ASXL2: variants seen among roughly 807,000 people sequenced by gnomAD.
ASXL2 encodes the protein ASXL transcriptional regulator 2.
In ASXL2, 23 loss-of-function variants were observed where a neutral mutation model predicts 122.0. The observed-to-expected ratio is 0.19, with a 90% CI of 0.14 to 0.27. The LOEUF (loss-of-function observed/expected upper bound fraction) is 0.27. Among genes scored for constraint, ASXL2 ranks in the 10% least tolerant of loss-of-function variants. The pLI is 1.00. For synonymous variants in ASXL2, 650 were observed against 637.0 expected (o/e 1.02, Z -0.31); for missense variants, 1,518 against 1,713.8 (o/e 0.89, Z 2.02).
At chr2:25,786,397 C>T (rs560448080) in intron 5 of ASXL2, among the ~76,000 whole-genome samples, 3 of 152,046 alleles carry the variant, frequency 2.0e-5, no homozygotes, top group South Asian at 2.1e-4. Context: ...CATGCCACCA[C>T]GCCCGGCTAA....
At chr2:25,753,686 C>A in intron 10 of ASXL2, 47 bp from the exon 11 acceptor site, 1 of 1,333,708 alleles carries the variant, frequency 7.5e-7, no homozygotes, top group Non-Finnish European at 1.1e-6. Flanking sequence ...ATGCTATTTG[C>A]AACATGTAAC....
chr2:25,838,808 T>A (rs2089544105), intron 2 of ASXL2, among the ~76,000 whole-genome samples: 1 of 152,210 alleles, frequency 6.6e-6, no homozygotes, highest in Non-Finnish European at 1.5e-5. Context: ...AAAATAAAAT[T>A]CTGAATCGTT....
chr2:25,743,762 C>T lies in ASXL2; in HGVS notation c.2575G>A (p.Ala859Thr), dbSNP rs1016606740. The change falls in exon 13 of 13, where the codon GCA becomes ACA. Residue 859 changes from alanine to threonine, a missense_variant. Ala to Thr is a moderately conservative substitution (Grantham distance 58). Coordinates refer to ENST00000435504, the MANE Select transcript of ASXL2 (RefSeq NM_018263.6). ...CAADGTVELK[A>T]GPSKNIPNPS... is the part of the protein sequence containing the mutation. ...TTAGGTATATTCTTACTAGGACCTG[C>T]TTTGAGCTCAACTGTGCCATCAGCT... The T allele has an allele frequency of 1.1e-5, 18 of 1,613,894 alleles. No individual in the cohort carries two copies. The highest frequency in any genetic ancestry group is 1.4e-5 in the Non-Finnish European group (16 of 1,179,904).
At chr2:25,844,469 C>G (rs940992641) in intron 2 of ASXL2, among the ~76,000 whole-genome samples, 2 of 151,674 alleles carry the variant, frequency 1.3e-5, no homozygotes, top group African/African-American at 4.8e-5. Context: ...CCCAGCTACT[C>G]AGGAGGCTGA....
intron 5 of ASXL2, among the ~76,000 whole-genome samples, chr2:25,789,983 G>A (rs574454443): frequency 1.3e-5 from 2 of 152,242 alleles, no homozygotes; most frequent in South Asian, 4.1e-4. Context: ...ATTTACTAGG[G>A]AGATGGGGGT....
chr2:25,862,180 T>C (rs1042972141), intron 1 of ASXL2, among the ~76,000 whole-genome samples: 5 of 152,174 alleles, frequency 3.3e-5, no homozygotes, highest in Non-Finnish European at 2.9e-5. Context: ...TCACAAACAC[T>C]AAAGTGAAGT....
chr2:25,783,119 ACT>A (rs1448199044), intron 5 of ASXL2, among the ~76,000 whole-genome samples: 2 of 152,190 alleles, frequency 1.3e-5, no homozygotes, highest in South Asian at 2.1e-4. Context: ...ACAGAATGAG[ACT>A]CTGTCTCAAA....
rs2089816956 is a variant in ASXL2 at position 25,859,108 on chromosome 2, C to T, written c.58-13545G>A. ...GGGATTACAGGTGTGAGCCACCACG[C>T]CTGGCCTTTTCTTTTTGAGACAGGG... is the stretch of plus-strand genomic sequence containing the variant. On this transcript the variant is annotated intron_variant, in intron 1 of 12. Coordinates refer to ENST00000435504, the MANE Select transcript of ASXL2 (RefSeq NM_018263.6). 2.6e-5 allele frequency among the ~76,000 whole-genome samples: 4 copies of T among 152,014 alleles called. No individual in the cohort carries two copies. In the South Asian group the frequency reaches 6.2e-4, roughly 24 times the overall value.
intron 4 of ASXL2, among the ~76,000 whole-genome samples, chr2:25,800,018 G>A (rs2088971347): frequency 6.6e-6 from 1 of 151,504 alleles, no homozygotes; most frequent in South Asian, 2.1e-4. Flanking sequence ...AATTAGCTGG[G>A]CATGGTGGAA....
chr2:25,812,163 C>CAAA (rs70950124), intron 3 of ASXL2, among the ~76,000 whole-genome samples: 1 of 138,682 alleles, frequency 7.2e-6, no homozygotes, highest in Non-Finnish European at 1.6e-5. Context: ...ATAATTATTT[C>CAAA]AAAAAAAAAA....
At chr2:25,816,619 T>C (rs1332481928) in intron 3 of ASXL2, among the ~76,000 whole-genome samples, 1 of 151,886 alleles carries the variant, frequency 6.6e-6, no homozygotes, top group Non-Finnish European at 1.5e-5. Context: ...CCTAAAGACA[T>C]GAGGAAGAAA....
intron 4 of ASXL2, 44 bp downstream of exon 4, chr2:25,806,185 T>G: frequency 8.0e-7 from 1 of 1,253,704 alleles, no homozygotes; most frequent in Non-Finnish European, 1.2e-6. Flanking sequence ...ATGTGGTCAC[T>G]TCCTGTTTTT....
At chr2:25,745,265 T>C (rs534855554) in intron 12 of ASXL2, among the ~76,000 whole-genome samples, 2 of 147,990 alleles carry the variant, frequency 1.4e-5, no homozygotes, top group East Asian at 4.0e-4. Flanking sequence ...CAGGCTGGAG[T>C]GTAGTGGTGT....
Position 25,740,347 on chromosome 2 carries a change from A to C in ASXL2, c.*1682T>G, listed in dbSNP as rs148905796. On this transcript the variant is annotated 3_prime_UTR_variant, in exon 13 of 13. Coordinates refer to ENST00000435504, the MANE Select transcript of ASXL2 (RefSeq NM_018263.6). ...AGATGATTATTGCCCATTTTCTCCT[A>C]ATCTGGAATGTGACTTAACAAGTTT... is the stretch of plus-strand genomic sequence containing the variant. 1.9e-3 allele frequency: 420 copies of C among 224,756 alleles called. 3 individuals are homozygous for C. The highest frequency in any genetic ancestry group is 8.7e-3 in the African/African-American group (390 of 44,984). 13.9% of individuals were successfully genotyped at this position (224,756 alleles called of 1,614,324 possible). A position where few individuals can be genotyped will look rare whatever the true frequency, so the allele number is the denominator to read the frequency against.
rs780850023 is a variant in ASXL2 at position 25,744,366 on chromosome 2, A to T, written c.1971T>A (p.Leu657=). ...TSPNRTGART[L]ADIKAKAQLV... ...GTTGGGCTTTTGCTTTGATGTCTGC[A>T]AGAGTTCTGGCTCCTGTTCTGTTAG... The change falls in exon 13 of 13, where the codon CTT becomes CTA. Residue 657 remains leucine, a synonymous_variant. Transcript: ENST00000435504. This position sits in a 1 kb window ranked among gnomAD's most constrained non-coding sequence, Gnocchi z 4.7. 6.2e-7 allele frequency: 1 copy of T among 1,613,970 alleles called. No individual in the cohort carries two copies. Among genetic ancestry groups the T allele is most frequent in the South Asian group, 1.1e-5 (1 of 91,084 alleles).
At chr2:25,829,512 A>C (rs1247712338) in intron 3 of ASXL2, among the ~76,000 whole-genome samples, 3 of 152,226 alleles carry the variant, frequency 2.0e-5, no homozygotes, top group African/African-American at 7.2e-5. Flanking sequence ...TTGTTGATTT[A>C]GCAAACAGAG....
At chr2:25,796,993 A>G (rs373880417) in intron 5 of ASXL2, among the ~76,000 whole-genome samples, 9 of 152,220 alleles carry the variant, frequency 5.9e-5, no homozygotes, top group East Asian at 3.8e-4. Context: ...AAACTCCCAG[A>G]ACATAACATA....
chr2:25,856,962 A>G, intron 1 of ASXL2: 1 of 485,284 alleles, frequency 2.1e-6, no homozygotes, highest in Non-Finnish European at 3.8e-6. Context: ...ATAGGCTACA[A>G]GTTCTAGAAT....
At chr2:25,841,908 C>T (rs2089585307) in intron 2 of ASXL2, among the ~76,000 whole-genome samples, 1 of 150,278 alleles carries the variant, frequency 6.7e-6, no homozygotes, top group African/African-American at 2.5e-5. Context: ...GATGGCGTCA[C>T]TGCACTCCAG....
Sources: allele counts gnomAD v4.1 joint callset (sites outside exome capture counted in the v4.1 genomes callset), GRCh38; gene constraint gnomAD v4.1.1; non-coding constraint Gnocchi (gnomAD v3.1); transcripts MANE v1.5; gene names NCBI Gene and HGNC (gene_info 2026-07-23, HGNC 2026-07-21).